Variants in CPNE4 observed in about 807,000 individuals in gnomAD.
CPNE4 encodes the protein copine 4.
CPNE4 carries 25 observed loss-of-function variants against 67.9 expected under a neutral mutation model. The observed-to-expected ratio is 0.37, with a 90% confidence interval of 0.27 to 0.51. The LOEUF is 0.51. Ranked by LOEUF, CPNE4 falls within the 20% of genes least tolerant of loss-of-function variation. The pLI, the probability that CPNE4 is intolerant of heterozygous loss-of-function variation, is 0.93. For missense variants in CPNE4, 464 were observed against 690.8 expected, an observed-to-expected ratio of 0.67 and a Z score of 3.68; for synonymous variants, 242 against 244.9, an observed-to-expected ratio of 0.99 and a Z score of 0.11.
At chr3:131,747,403 T>G (rs2082518663) in intron 2 of CPNE4, among the ~76,000 whole-genome samples, 1 of 152,160 alleles carries the variant, frequency 6.6e-6, no homozygotes, top group Non-Finnish European at 1.5e-5. Context: ...GCTTTGTAGT[T>G]TCAGGTCTTA....
intron 2 of CPNE4, among the ~76,000 whole-genome samples, chr3:131,895,415 C>A (rs1435639288): frequency 6.6e-6 from 1 of 152,038 alleles, no homozygotes; most frequent in Non-Finnish European, 1.5e-5. Flanking sequence ...GCATATACTA[C>A]TCTGACTGGA....
intron 2 of CPNE4, among the ~76,000 whole-genome samples, chr3:131,847,282 A>C (rs1469327145): frequency 6.6e-6 from 1 of 151,906 alleles, no homozygotes; most frequent in Non-Finnish European, 1.5e-5. Flanking sequence ...TTTGTCTGAC[A>C]TGTTTTATAC....
chr3:131,937,909 A>T (rs1189818679), intron 1 of CPNE4, among the ~76,000 whole-genome samples: 1 of 152,138 alleles, frequency 6.6e-6, no homozygotes, highest in Non-Finnish European at 1.5e-5. Context: ...GAGGGAAAAA[A>T]GTCAGGATGC....
At chr3:131,945,910 T>C (rs1023166496) in intron 1 of CPNE4, among the ~76,000 whole-genome samples, 2 of 152,222 alleles carry the variant, frequency 1.3e-5, no homozygotes, top group African/African-American at 4.8e-5. Flanking sequence ...CAACCCTTGC[T>C]GCACATCTGA....
intron 2 of CPNE4, among the ~76,000 whole-genome samples, chr3:131,776,996 G>A (rs1025213977): frequency 6.6e-6 from 1 of 152,084 alleles, no homozygotes; most frequent in Non-Finnish European, 1.5e-5. Flanking sequence ...CAGGGAAGTT[G>A]GCTAGTGGCT....
At chr3:131,962,716 G>A (rs577684273) in intron 1 of CPNE4, among the ~76,000 whole-genome samples, 93 of 136,842 alleles carry the variant, frequency 6.8e-4, no homozygotes, top group African/African-American at 2.7e-3. Flanking sequence ...ATGCATCTGT[G>A]GAACCCCAGA....
At chr3:131,806,722 G>A (rs1274566100) in intron 2 of CPNE4, among the ~76,000 whole-genome samples, 1 of 152,080 alleles carries the variant, frequency 6.6e-6, no homozygotes, top group African/African-American at 2.4e-5. Context: ...CTACAACAAA[G>A]CTATTCCCTC....
chr3:131,879,580 C>A (rs540844283), intron 2 of CPNE4, among the ~76,000 whole-genome samples: 7 of 152,156 alleles, frequency 4.6e-5, no homozygotes, highest in African/African-American at 1.2e-4. Context: ...CTATTGAACA[C>A]CATCTGTGCT....
At chr3:131,660,433 G>T (rs111911988) in intron 7 of CPNE4, among the ~76,000 whole-genome samples, 1 of 152,110 alleles carries the variant, frequency 6.6e-6, no homozygotes, top group Non-Finnish European at 1.5e-5. Flanking sequence ...GAAGAAAAGG[G>T]GATGGGATAC....
chr3:131,753,810 T>C (rs987046871), intron 2 of CPNE4, among the ~76,000 whole-genome samples: 3 of 152,156 alleles, frequency 2.0e-5, no homozygotes, highest in Non-Finnish European at 4.4e-5. Flanking sequence ...AGATTACTCA[T>C]ACATTAATGG....
chr3:131,642,781 T>C (rs542395114), intron 7 of CPNE4, among the ~76,000 whole-genome samples: 1 of 152,284 alleles, frequency 6.6e-6, no homozygotes, highest in Non-Finnish European at 1.5e-5. Flanking sequence ...CTTCCCTTTC[T>C]GTCATAATTG....
intron 6 of CPNE4, among the ~76,000 whole-genome samples, chr3:131,682,237 G>A (rs2080777229): frequency 6.6e-6 from 1 of 152,088 alleles, no homozygotes; most frequent in Non-Finnish European, 1.5e-5. Context: ...TATATTTACT[G>A]TAGTCTTTGC....
intron 1 of CPNE4, among the ~76,000 whole-genome samples, chr3:132,018,875 A>G (rs2073937918): frequency 6.6e-6 from 1 of 152,258 alleles, no homozygotes; most frequent in Non-Finnish European, 1.5e-5. Flanking sequence ...GCCCTAATAT[A>G]GCACTGCTGG....
chr3:131,607,367 GATTT>G (rs1939570387), intron 7 of CPNE4, among the ~76,000 whole-genome samples: 1 of 152,126 alleles, frequency 6.6e-6, no homozygotes, highest in Admixed American at 6.5e-5. Context: ...CAGACCAATA[GATTT>G]ATTTGTCTTT....
chr3:131,931,834 T>C (rs1036146158), intron 1 of CPNE4, among the ~76,000 whole-genome samples: 1 of 152,230 alleles, frequency 6.6e-6, no homozygotes, highest in African/African-American at 2.4e-5. Flanking sequence ...AATTTCTTAC[T>C]TGTACAATAA....
intron 15 of CPNE4, among the ~76,000 whole-genome samples, chr3:131,535,812 G>C (rs910181774): frequency 6.6e-5 from 10 of 152,182 alleles, no homozygotes; most frequent in Admixed American, 5.2e-4. Flanking sequence ...TGTAGACTCA[G>C]ACCCAACTCA....
intron 2 of CPNE4, among the ~76,000 whole-genome samples, chr3:131,850,377 T>C (rs1372549465): frequency 6.6e-6 from 1 of 152,084 alleles, no homozygotes; most frequent in Non-Finnish European, 1.5e-5. Context: ...GAGTTTGAAT[T>C]CAAATTTACT....
intron 1 of CPNE4, among the ~76,000 whole-genome samples, chr3:131,967,406 T>C (rs2072381802): frequency 6.6e-6 from 1 of 152,130 alleles, no homozygotes; most frequent in Non-Finnish European, 1.5e-5. Context: ...TAAAGGGTAT[T>C]TAAATAGGAA....
At chr3:131,864,137 C>T (rs4348035) in intron 2 of CPNE4, among the ~76,000 whole-genome samples, 57,823 of 148,052 alleles carry the variant, frequency 0.39, 11,812 homozygotes, top group Admixed American at 0.46. Flanking sequence ...AGTCAGGTAG[C>T]GTGATGCCTC....
Sources: allele counts gnomAD v4.1 joint callset (sites outside exome capture counted in the v4.1 genomes callset), GRCh38; gene constraint gnomAD v4.1.1; transcripts MANE v1.5; gene names NCBI Gene and HGNC (gene_info 2026-07-23, HGNC 2026-07-21).